Variants in VRK2 observed in about 807,000 individuals in gnomAD.
VRK2 encodes the protein VRK serine/threonine kinase 2, also known as serine/threonine-protein kinase VRK2.
VRK2 carries 60 observed loss-of-function variants against 57.6 expected under a neutral mutation model. The observed-to-expected ratio is 1.04, with a 90% confidence interval of 0.85 to 1.29. The LOEUF (loss-of-function observed/expected upper bound fraction) is 1.29. Ranked by LOEUF, VRK2 falls within the 50% of genes most tolerant of loss-of-function variation. The pLI, the probability that VRK2 is intolerant of heterozygous loss-of-function variation, is 0.00. For missense variants in VRK2, 705 were observed against 588.1 expected (o/e 1.20, Z -2.06); for synonymous variants, 231 against 199.2 (o/e 1.16, Z -1.35).
intron 1 of VRK2, among the ~76,000 whole-genome samples, chr2:58,006,387 G>A (rs967182654): frequency 1.3e-5 from 2 of 152,204 alleles, no homozygotes; most frequent in African/African-American, 4.8e-5. Context: ...GTTTGACTTA[G>A]TGGAAAGAAT....
At chr2:58,062,328 T>C (rs1677473093) in intron 2 of VRK2, among the ~76,000 whole-genome samples, 2 of 152,036 alleles carry the variant, frequency 1.3e-5, no homozygotes, top group South Asian at 4.1e-4. Flanking sequence ...CTCTATTCTC[T>C]GTGATACAGC....
At chr2:58,034,773 T>C (rs559238324) in intron 3 of VRK2, among the ~76,000 whole-genome samples, 2 of 151,956 alleles carry the variant, frequency 1.3e-5, no homozygotes, top group South Asian at 2.1e-4. Flanking sequence ...CAGAGGTTTT[T>C]TTTAAAAAAC....
At chr2:58,132,584 T>C (rs767200258) in intron 9 of VRK2, among the ~76,000 whole-genome samples, 20 of 152,278 alleles carry the variant, frequency 1.3e-4, no homozygotes, top group Admixed American at 2.6e-4. Flanking sequence ...GTCAATTGCA[T>C]AGAGCACAGA....
At chr2:58,049,590 A>G (rs1248821955) in intron 2 of VRK2, among the ~76,000 whole-genome samples, 1 of 152,186 alleles carries the variant, frequency 6.6e-6, no homozygotes, top group Non-Finnish European at 1.5e-5. Flanking sequence ...TAAAAATTAC[A>G]CTGAACTTTA....
At chr2:58,071,329 T>G (rs1037263189) in intron 2 of VRK2, among the ~76,000 whole-genome samples, 2 of 152,100 alleles carry the variant, frequency 1.3e-5, no homozygotes, top group African/African-American at 4.8e-5. Flanking sequence ...ACAGTTCTTT[T>G]CTTGCATGGA....
chr2:57,988,960 T>G (rs992282002), intron 1 of VRK2, among the ~76,000 whole-genome samples: 1 of 152,128 alleles, frequency 6.6e-6, no homozygotes, highest in Admixed American at 6.5e-5. Context: ...TAGCTCCTAA[T>G]TTTTCCAACC....
At chr2:58,027,488 A>G (rs776429407) in intron 2 of VRK2, among the ~76,000 whole-genome samples, 1 of 152,174 alleles carries the variant, frequency 6.6e-6, no homozygotes, top group African/African-American at 2.4e-5. Context: ...TCCCTACTTA[A>G]CAAATATATG....
chr2:58,108,317 G>A (rs1675055111), intron 7 of VRK2, among the ~76,000 whole-genome samples: 1 of 151,980 alleles, frequency 6.6e-6, no homozygotes, highest in South Asian at 2.1e-4. Flanking sequence ...AGTTCCTGTT[G>A]ATTGCCTGTA....
intron 1 of VRK2, among the ~76,000 whole-genome samples, chr2:57,924,920 G>T (rs918884420): frequency 1.3e-5 from 2 of 151,712 alleles, no homozygotes; most frequent in Non-Finnish European, 1.5e-5. Flanking sequence ...AATCATGAAG[G>T]GATGTTGAAT....
intron 1 of VRK2, among the ~76,000 whole-genome samples, chr2:58,025,157 C>G (rs1008821886): frequency 6.6e-6 from 1 of 152,154 alleles, no homozygotes; most frequent in Admixed American, 6.5e-5. Context: ...AGGTTCAAAT[C>G]CTGTCTCTGC....
At chr2:58,110,250 G>A (rs1675362104) in intron 7 of VRK2, among the ~76,000 whole-genome samples, 1 of 152,106 alleles carries the variant, frequency 6.6e-6, no homozygotes. Flanking sequence ...AAATTGGGGA[G>A]AACATGTATA....
intron 7 of VRK2, among the ~76,000 whole-genome samples, chr2:58,114,912 G>A (rs1308718779): frequency 3.3e-5 from 5 of 152,098 alleles, no homozygotes; most frequent in African/African-American, 9.7e-5. Flanking sequence ...TTCCTGACTC[G>A]GGACATGTTG....
At chr2:58,117,157 A>G (rs1676645217) in intron 7 of VRK2, among the ~76,000 whole-genome samples, 1 of 152,180 alleles carries the variant, frequency 6.6e-6, no homozygotes, top group Non-Finnish European at 1.5e-5. Flanking sequence ...TTTAGGGTCT[A>G]GGGCTGTAAA....
chr2:58,032,555 G>A (rs372569732), intron 2 of VRK2, among the ~76,000 whole-genome samples: 1 of 152,140 alleles, frequency 6.6e-6, no homozygotes, highest in African/African-American at 2.4e-5. Flanking sequence ...GGGTGGCCTT[G>A]GACTGACGCA....
chr2:58,093,827 G>A (rs1197889281), intron 7 of VRK2, among the ~76,000 whole-genome samples: 1 of 152,128 alleles, frequency 6.6e-6, no homozygotes, highest in East Asian at 1.9e-4. Flanking sequence ...AATCCATCTT[G>A]AATTAATTTT....
intron 1 of VRK2, among the ~76,000 whole-genome samples, chr2:58,022,727 T>C (rs919979952): frequency 3.3e-5 from 5 of 151,994 alleles, no homozygotes; most frequent in Non-Finnish European, 7.4e-5. Flanking sequence ...ATACAAAAAT[T>C]AGCTAAGCAT....
intron 12 of VRK2, among the ~76,000 whole-genome samples, chr2:58,147,664 T>A (rs866606230): frequency 0.015 from 2,327 of 152,006 alleles, 61 homozygotes; most frequent in African/African-American, 0.052. Flanking sequence ...TTCTTTTCCC[T>A]AGTCAGTCCT....
Position 58,135,207 on chromosome 2 carries a change from A to C in VRK2, c.856+8A>C, listed in dbSNP as rs6733307. On this transcript the variant is annotated splice_region_variant and intron_variant, in intron 10 of 12. Transcript: ENST00000340157. The stretch of plus-strand genomic sequence containing the variant: ...CTTCTGGAAGCAGTTGCTGTAAGTC[A>C]AATAATAACTTCAACCTTCTCTTAC... 3 of 1,614,068 alleles carry C rather than the reference A, an allele frequency of 1.9e-6. No individual in the cohort carries two copies. Among genetic ancestry groups the C allele is most frequent in the African/African-American group, 1.3e-5 (1 of 75,026 alleles).
At chr2:58,069,619 G>A in intron 2 of VRK2, among the ~76,000 whole-genome samples, 1 of 152,136 alleles carries the variant, frequency 6.6e-6, no homozygotes, top group East Asian at 1.9e-4. Flanking sequence ...TTTGATTGGA[G>A]AGGAAAGTTT....
Sources: allele counts gnomAD v4.1 joint callset (sites outside exome capture counted in the v4.1 genomes callset), GRCh38; gene constraint gnomAD v4.1.1; transcripts MANE v1.5; gene names NCBI Gene and HGNC (gene_info 2026-07-23, HGNC 2026-07-21).